HACD2: variants seen among roughly 807,000 people sequenced by gnomAD.
HACD2 encodes the protein very-long-chain (3R)-3-hydroxyacyl-CoA dehydratase 2.
In HACD2, 15 loss-of-function variants were observed where a neutral mutation model predicts 31.0. The ratio of observed to expected loss-of-function variants is 0.48; its 90% confidence interval spans 0.32 to 0.75. HACD2 has a LOEUF of 0.75. HACD2 is among the 30% of genes least tolerant of loss of function. The probability of loss-of-function intolerance (pLI) is 0.03; values close to 1 mark genes in which losing one functional copy is unlikely to be tolerated. For synonymous variants in HACD2, 115 were observed against 122.2 expected, an observed-to-expected ratio of 0.94 and a Z score of 0.39; for missense variants, 283 against 313.0, an observed-to-expected ratio of 0.90 and a Z score of 0.72.
chr3:123,518,898 G>C (rs1458102343), intron 4 of HACD2, among the ~76,000 whole-genome samples: 2 of 151,302 alleles, frequency 1.3e-5, no homozygotes, highest in African/African-American at 4.9e-5. Flanking sequence ...TAGGGAGGCT[G>C]AGGCAGGAGA....
At chr3:123,542,338 T>C (rs531698100) in intron 3 of HACD2, among the ~76,000 whole-genome samples, 35 of 152,114 alleles carry the variant, frequency 2.3e-4, no homozygotes, top group Non-Finnish European at 3.7e-4. Flanking sequence ...AAACTATTAA[T>C]ACTTATGATT....
At chr3:123,553,525 C>A (rs1366128014) in intron 3 of HACD2, among the ~76,000 whole-genome samples, 1 of 152,202 alleles carries the variant, frequency 6.6e-6, no homozygotes, top group Non-Finnish European at 1.5e-5. Flanking sequence ...GCTAGGTATG[C>A]CAAAAAGGCA....
At chr3:123,541,582 GC>G (rs1272654804) in intron 3 of HACD2, among the ~76,000 whole-genome samples, 2 of 152,260 alleles carry the variant, frequency 1.3e-5, no homozygotes, top group African/African-American at 4.8e-5. Flanking sequence ...TAAATATGGT[GC>G]TTTTTTACTA....
At chr3:123,503,917 T>C (rs972316055) in intron 4 of HACD2, among the ~76,000 whole-genome samples, 1 of 152,240 alleles carries the variant, frequency 6.6e-6, no homozygotes, top group African/African-American at 2.4e-5. Flanking sequence ...CCTCAGAAAG[T>C]GTACATGGAG....
chr3:123,540,723 T>C (rs771698867), intron 3 of HACD2, among the ~76,000 whole-genome samples: 2 of 152,186 alleles, frequency 1.3e-5, no homozygotes, highest in Non-Finnish European at 2.9e-5. Context: ...GAATGGTTCA[T>C]ATGTATTTCA....
chr3:123,526,465 G>A (rs182521502), intron 4 of HACD2, among the ~76,000 whole-genome samples: 32 of 150,998 alleles, frequency 2.1e-4, no homozygotes, highest in African/African-American at 7.8e-4. Context: ...GCGATGGGAA[G>A]ACAATAAAAT....
intron 1 of HACD2, among the ~76,000 whole-genome samples, chr3:123,583,639 C>A (rs1482472394): frequency 6.6e-6 from 1 of 152,100 alleles, no homozygotes; most frequent in African/African-American, 2.4e-5. Context: ...ATATGATCCT[C>A]CCACGATATA....
chr3:123,500,670 T>C lies in HACD2; in HGVS notation c.527A>G (p.Tyr176Cys). Residue 176 changes from tyrosine to cysteine, a missense_variant, in exon 6 of 7, where the codon TAC (tyrosine) becomes TGC (cysteine). By Grantham distance (194) the Tyr-to-Cys change is radical. Transcript: ENST00000383657. ...WARYTLFIVL[Y>C]PMGVSGELLT... ...CAGTTCTCCTGACACTCCCATTGGG[T>C]ACAGCACAATGAAAAGTGTGTACCT... The C allele has an allele frequency of 1.2e-6, 2 of 1,604,066 alleles. No individual in the cohort carries two copies. The highest frequency in any genetic ancestry group is 1.7e-6 in the Non-Finnish European group (2 of 1,177,182).
intron 4 of HACD2, among the ~76,000 whole-genome samples, chr3:123,515,282 G>T (rs1219974886): frequency 6.6e-6 from 1 of 152,136 alleles, no homozygotes; most frequent in Non-Finnish European, 1.5e-5. Context: ...TTTGCTGTCT[G>T]CTGGATTCTG....
At chr3:123,504,428 C>T (rs1036631343) in intron 4 of HACD2, among the ~76,000 whole-genome samples, 4 of 152,132 alleles carry the variant, frequency 2.6e-5, no homozygotes, top group African/African-American at 4.8e-5. Context: ...TAAATAATTG[C>T]GGAGCAAATG....
intron 4 of HACD2, among the ~76,000 whole-genome samples, chr3:123,507,242 A>G (rs1307609665): frequency 6.6e-6 from 1 of 152,200 alleles, no homozygotes; most frequent in Non-Finnish European, 1.5e-5. Context: ...GTGACGAGCA[A>G]GACCCTGTCT....
intron 3 of HACD2, among the ~76,000 whole-genome samples, chr3:123,534,820 T>G (rs2056406462): frequency 7.5e-5 from 1 of 13,352 alleles, no homozygotes; most frequent in African/African-American, 1.3e-4. Context: ...GTGTCTTAGT[T>G]TTTAACAAAA....
chr3:123,569,664 G>A (rs554068036), intron 2 of HACD2, among the ~76,000 whole-genome samples: 2 of 151,992 alleles, frequency 1.3e-5, no homozygotes, highest in East Asian at 3.9e-4. Flanking sequence ...ACCCGGCCCA[G>A]AAAACCTATT....
chr3:123,524,687 G>T (rs776040520), intron 4 of HACD2, among the ~76,000 whole-genome samples: 2 of 152,004 alleles, frequency 1.3e-5, no homozygotes, highest in African/African-American at 2.4e-5. Flanking sequence ...TTTTTGTTTT[G>T]TAGAGATGAG....
chr3:123,582,177 G>A (rs3109649), intron 2 of HACD2, 35 bp downstream of exon 2: 46,697 of 1,334,448 alleles, frequency 0.035, 985 homozygotes, highest in Middle Eastern at 0.06. Context: ...TCATACCAAT[G>A]GAAATCAATA....
chr3:123,545,573 A>G (rs947580000), intron 3 of HACD2, among the ~76,000 whole-genome samples: 2 of 148,284 alleles, frequency 1.3e-5, no homozygotes, highest in African/African-American at 4.9e-5. Flanking sequence ...AAAGACCACA[A>G]CTTGATTTAA....
chr3:123,577,485 G>C (rs1469870778), intron 2 of HACD2, among the ~76,000 whole-genome samples: 1 of 151,966 alleles, frequency 6.6e-6, no homozygotes, highest in South Asian at 2.1e-4. Flanking sequence ...GCCGGGTGTG[G>C]TGGCGGGCGC....
intron 3 of HACD2, among the ~76,000 whole-genome samples, chr3:123,532,924 C>T (rs188004030): frequency 6.6e-6 from 1 of 151,868 alleles, no homozygotes; most frequent in Non-Finnish European, 1.5e-5. Context: ...TAATGTCCAC[C>T]CTATCACTCA....
chr3:123,532,961 G>C (rs2056382634), intron 3 of HACD2, among the ~76,000 whole-genome samples: 1 of 151,008 alleles, frequency 6.6e-6, no homozygotes, highest in South Asian at 2.1e-4. Context: ...TAGGAAATTT[G>C]TTTTAGAGCT....
Sources: gnomAD v4.1 joint callset for allele counts (sites outside exome capture counted in the v4.1 genomes callset) on GRCh38, gnomAD v4.1.1 for gene constraint, MANE v1.5 for transcripts, NCBI Gene and HGNC (gene_info 2026-07-23, HGNC 2026-07-21) for gene names.